LIMD1: variants seen among roughly 807,000 people sequenced by gnomAD.
The protein encoded by LIMD1 is LIM domain containing 1, also known as LIM domain-containing protein 1.
A neutral mutation model predicts 58.4 loss-of-function variants in LIMD1; 23 were observed. The observed-to-expected ratio is 0.39, with a 90% CI of 0.28 to 0.56. The LOEUF is 0.56. Ranked by LOEUF, LIMD1 falls within the 20% of genes least tolerant of loss-of-function variation. The pLI is 0.57. For missense variants in LIMD1, 838 were observed against 855.5 expected, an observed-to-expected ratio of 0.98 and a Z score of 0.25; for synonymous variants, 334 against 345.5, an observed-to-expected ratio of 0.97 and a Z score of 0.37.
At position 45,594,839 on chromosome 3, in the gene LIMD1, A is replaced by C; in HGVS notation, c.-41A>C. On this transcript the variant is annotated 5_prime_UTR_variant, in exon 1 of 8. Transcript: ENST00000273317. ...CACACACACACACACACACACACAC[A>C]CACACGGCACCTGGGCTAGGCCCGG... is the stretch of plus-strand genomic sequence containing the variant. 3 of 1,244,640 alleles carry C rather than the reference A, an allele frequency of 2.4e-6. No homozygotes were observed. The highest frequency in any genetic ancestry group is 1.7e-5 in the African/African-American group (1 of 57,674). 77.1% of individuals were successfully genotyped at this position (1,244,640 alleles called of 1,614,324 possible). A position where few individuals can be genotyped will look rare whatever the true frequency, so the allele number is the denominator to read the frequency against.
At chr3:45,606,577 C>T (rs549167774) in intron 1 of LIMD1, among the ~76,000 whole-genome samples, 77 of 152,298 alleles carry the variant, frequency 5.1e-4, no homozygotes, top group African/African-American at 1.8e-3. Flanking sequence ...CCCAGAGGCT[C>T]GGAGGCACAT....
At chr3:45,657,387 A>G (rs983752684) in intron 2 of LIMD1, among the ~76,000 whole-genome samples, 1 of 152,080 alleles carries the variant, frequency 6.6e-6, no homozygotes, top group African/African-American at 2.4e-5. Context: ...CCGGCCAGAT[A>G]TGGTAACTCA....
intron 4 of LIMD1, among the ~76,000 whole-genome samples, chr3:45,669,225 G>T (rs1349919833): frequency 6.6e-6 from 1 of 152,114 alleles, no homozygotes; most frequent in Non-Finnish European, 1.5e-5. Context: ...TAGAGGGTTA[G>T]GTTATGAGGT....
Position 45,678,769 on chromosome 3 carries a change from C to T in LIMD1, c.*1710C>T, listed in dbSNP as rs1319589888. The T allele has an allele frequency of 6.6e-6, 1 of 152,196 alleles. No homozygotes were observed. Among genetic ancestry groups the T allele is most frequent in the African/African-American group, 2.4e-5 (1 of 41,418 alleles). The allele number at this position is 152,196 out of a possible 1,614,324, so 9.4% of individuals were successfully genotyped here. A position where few individuals can be genotyped will look rare whatever the true frequency, so the allele number is the denominator to read the frequency against. The stretch of plus-strand genomic sequence containing the variant: ...ATTGGGCCCGGCTCCACTTCTAGGC[C>T]ATGTTTTGACTCATTTGGTAACCAT... On this transcript the variant is annotated 3_prime_UTR_variant, in exon 8 of 8. Transcript: ENST00000273317.
At chr3:45,674,500 C>A in intron 7 of LIMD1, 89 bp downstream of exon 7, 1 of 1,002,664 alleles carries the variant, frequency 1.0e-6, no homozygotes, top group Non-Finnish European at 1.5e-6. Flanking sequence ...AGGCAGTCAA[C>A]AAGATTCTGG....
chr3:45,667,474 T>G (rs1185573505), intron 3 of LIMD1, among the ~76,000 whole-genome samples: 2 of 151,672 alleles, frequency 1.3e-5, no homozygotes, highest in East Asian at 3.9e-4. Flanking sequence ...CTTTTTTGTT[T>G]TTCCCAGCTT....
intron 2 of LIMD1, among the ~76,000 whole-genome samples, chr3:45,660,646 T>C (rs1697422652): frequency 6.6e-6 from 1 of 152,000 alleles, no homozygotes; most frequent in South Asian, 2.1e-4. Flanking sequence ...GAACTCGTGA[T>C]CTCAAGTGGT....
chr3:45,680,337 G>A lies in LIMD1; in HGVS notation c.*3278G>A, dbSNP rs1167703165. ...TTCTTTTCTTTTTTTTTTTGAGACA[G>A]GGCCTCACTCTGTTGCCCAGGCTGG... On this transcript the variant is annotated 3_prime_UTR_variant, in exon 8 of 8. Transcript: ENST00000273317. 1 of 151,680 alleles carries A rather than the reference G, an allele frequency of 6.6e-6. No individual in the cohort carries two copies. Among genetic ancestry groups the A allele is most frequent in the Admixed American group, 6.6e-5 (1 of 15,234 alleles). 9.4% of individuals were successfully genotyped at this position (151,680 alleles called of 1,614,324 possible).
In LIMD1 at chr3:45,639,308, G is replaced by A. The variant is rs149543105; in HGVS notation, c.1510+3057G>A. On this transcript the variant is annotated intron_variant, in intron 2 of 7. Coordinates refer to ENST00000273317, the MANE Select transcript of LIMD1 (RefSeq NM_014240.3). ...AAAAGAAAATAAATATTAAGGAGAG[G>A]CTGTTTTCCACCTCAAGCAGTTACC... is the stretch of plus-strand genomic sequence containing the variant. Among the ~76,000 whole-genome samples the A allele has an allele frequency of 2.9e-3, 438 of 152,308 alleles. 15 individuals are homozygous for A. The East Asian group carries it at 0.055, about 19-fold the overall frequency.
At position 45,673,448 on chromosome 3, in the gene LIMD1, C is replaced by G; in HGVS notation, c.1773-6C>G. 1 of 1,613,572 alleles carries G rather than the reference C, an allele frequency of 6.2e-7. No homozygotes were observed. The highest frequency in any genetic ancestry group is 8.5e-7 in the Non-Finnish European group (1 of 1,179,564). On this transcript the variant is annotated splice_polypyrimidine_tract_variant and splice_region_variant and intron_variant, in intron 5 of 7. Transcript: ENST00000273317. ...ACATTTATTGCTGCTTTGTTTCTCC[C>G]CACAGGGTGCTGGCCCCCAAGTGTG...
intron 2 of LIMD1, among the ~76,000 whole-genome samples, chr3:45,643,870 T>C (rs1343189976): frequency 1.3e-5 from 2 of 152,198 alleles, no homozygotes; most frequent in African/African-American, 4.8e-5. Flanking sequence ...CCAGAATGAA[T>C]TGCAGTGGTG....
chr3:45,632,782 T>C (rs1427865928), intron 1 of LIMD1, among the ~76,000 whole-genome samples: 1 of 152,190 alleles, frequency 6.6e-6, no homozygotes, highest in African/African-American at 2.4e-5. Flanking sequence ...CACTTCCACA[T>C]TTGCCCCGTC....
rs1701347113 is a variant in LIMD1, at chr3:45,596,149, T to C, written c.1270T>C (p.Ser424Pro). The change falls in exon 1 of 8, where the codon TCC becomes CCC. Residue 424 changes from serine to proline, a missense_variant. This residue lies in a region of LIMD1 where 659 missense variants were observed against 639.8 expected (regional missense o/e 1.03). Coordinates refer to ENST00000273317, the MANE Select transcript of LIMD1 (RefSeq NM_014240.3). ...ATCTGTGCTCCTGGACAGCCCCAGC[T>C]CCCCTAGGGTAAGGCTGCCCTGCCA... ...LGSVLLDSPSSPRVRLPCQPL... is the reference protein window; with the variant it reads ...LGSVLLDSPSPPRVRLPCQPL... 8.7e-6 allele frequency: 14 copies of C among 1,614,058 alleles called. No homozygotes were observed. Among genetic ancestry groups the C allele is most frequent in the Non-Finnish European group, 1.2e-5 (14 of 1,180,004 alleles).
chr3:45,636,361 C>G (rs1701789661), intron 2 of LIMD1, 110 bp downstream of exon 2: 1 of 783,500 alleles, frequency 1.3e-6, no homozygotes, highest in Non-Finnish European at 2.1e-6. Flanking sequence ...CATGGCCCTC[C>G]TCAGCCCCAC....
intron 7 of LIMD1, among the ~76,000 whole-genome samples, chr3:45,676,345 TAAAA>T (rs751149394): frequency 1.4e-5 from 2 of 142,630 alleles, no homozygotes; most frequent in Non-Finnish European, 3.1e-5. Context: ...TTATTTCTTC[TAAAA>T]AAAAAAAAGG....
intron 1 of LIMD1, among the ~76,000 whole-genome samples, chr3:45,620,662 G>A (rs1701620821): frequency 6.6e-6 from 1 of 152,154 alleles, no homozygotes; most frequent in South Asian, 2.1e-4. Context: ...CTGGGGGGCA[G>A]AAGTTGCAGT....
intron 2 of LIMD1, among the ~76,000 whole-genome samples, chr3:45,664,439 A>ATG (rs1451310422): frequency 1.3e-5 from 2 of 152,154 alleles, no homozygotes; most frequent in Non-Finnish European, 2.9e-5. Context: ...TATGAAGCTG[A>ATG]CTTAGCTATA....
At chr3:45,662,328 T>G (rs1697452811) in intron 2 of LIMD1, among the ~76,000 whole-genome samples, 1 of 151,992 alleles carries the variant, frequency 6.6e-6, no homozygotes, top group Non-Finnish European at 1.5e-5. Flanking sequence ...TGGAAGGTAC[T>G]ATGGGAAATA....
intron 1 of LIMD1, among the ~76,000 whole-genome samples, chr3:45,601,102 A>G (rs1306881562): frequency 6.6e-6 from 1 of 152,004 alleles, no homozygotes; most frequent in African/African-American, 2.4e-5. Context: ...CAAATAAACC[A>G]CTTGTCATAG....
Sources: gnomAD v4.1 joint callset for allele counts (sites outside exome capture counted in the v4.1 genomes callset) on GRCh38, gnomAD v4.1.1 for gene constraint, gnomAD v4.1.1 regional missense constraint, MANE v1.5 for transcripts, NCBI Gene and HGNC (gene_info 2026-07-23, HGNC 2026-07-21) for gene names.